CNTN5: variants seen among roughly 807,000 people sequenced by gnomAD.
The protein encoded by CNTN5 is contactin-5.
In CNTN5, 77 loss-of-function variants were observed where a neutral mutation model predicts 129.1. That is an observed-to-expected ratio of 0.60 (90% CI 0.50 to 0.72). CNTN5 has a LOEUF of 0.72. Ranked by LOEUF, CNTN5 falls within the 30% of genes least tolerant of loss-of-function variation. CNTN5 has a pLI of 0.00. For missense variants in CNTN5, 1,478 were observed against 1,328.8 expected (o/e 1.11, Z -1.75); for synonymous variants, 509 against 465.6 (o/e 1.09, Z -1.20).
chr11:100,133,819 TG>T (rs1288565554), intron 13 of CNTN5, among the ~76,000 whole-genome samples: 2 of 152,176 alleles, frequency 1.3e-5, no homozygotes, highest in African/African-American at 4.8e-5. Context: ...AGATACTTGC[TG>T]GTAACTGGAG....
intron 2 of CNTN5, among the ~76,000 whole-genome samples, chr11:99,332,919 G>T (rs1591534587): frequency 6.6e-6 from 1 of 151,986 alleles, no homozygotes; most frequent in Admixed American, 6.6e-5. Flanking sequence ...TTCACTTAGC[G>T]CAACCGTATT....
At chr11:99,264,136 G>A (rs1862771435) in intron 1 of CNTN5, among the ~76,000 whole-genome samples, 1 of 151,628 alleles carries the variant, frequency 6.6e-6, no homozygotes, top group Non-Finnish European at 1.5e-5. Context: ...CATAACTCAT[G>A]CTCACAGGAT....
intron 1 of CNTN5, among the ~76,000 whole-genome samples, chr11:99,174,386 G>C (rs1004958740): frequency 6.6e-6 from 1 of 152,100 alleles, no homozygotes; most frequent in African/African-American, 2.4e-5. Flanking sequence ...GCAAGATAAA[G>C]ACTATTATAA....
intron 2 of CNTN5, among the ~76,000 whole-genome samples, chr11:99,366,885 G>T (rs567800854): frequency 2.0e-5 from 3 of 152,290 alleles, no homozygotes; most frequent in Admixed American, 2.0e-4. Flanking sequence ...TCTGAATGTT[G>T]CTTAGTGACA....
intron 16 of CNTN5, among the ~76,000 whole-genome samples, chr11:100,241,722 T>C (rs192623121): frequency 6.6e-6 from 1 of 152,320 alleles, no homozygotes; most frequent in Admixed American, 6.5e-5. Flanking sequence ...TGGTTTAATT[T>C]TTGCTTTTGC....
At chr11:99,719,299 G>A (rs941602540) in intron 3 of CNTN5, among the ~76,000 whole-genome samples, 2 of 151,896 alleles carry the variant, frequency 1.3e-5, no homozygotes, top group Admixed American at 6.6e-5. Context: ...CTGCTTGGGC[G>A]AGAGAATGAG....
At chr11:100,309,396 TTAAA>T in intron 21 of CNTN5, 1 of 970,282 alleles carries the variant, frequency 1.0e-6, no homozygotes, top group Non-Finnish European at 1.2e-6. Flanking sequence ...ACAGCTGGCA[TTAAA>T]TAATGATTTC....
intron 1 of CNTN5, among the ~76,000 whole-genome samples, chr11:99,265,903 T>C (rs1356476321): frequency 2.6e-5 from 4 of 152,134 alleles, no homozygotes; most frequent in South Asian, 4.1e-4. Flanking sequence ...GAATGATAAA[T>C]AGAAGGTTAA....
intron 7 of CNTN5, among the ~76,000 whole-genome samples, chr11:99,939,660 T>C (rs921567534): frequency 2.6e-5 from 4 of 151,998 alleles, no homozygotes; most frequent in African/African-American, 9.7e-5. Flanking sequence ...TAGAAAAAAA[T>C]AGGGCCCAAA....
chr11:100,184,492 C>G (rs1233220497), intron 13 of CNTN5, among the ~76,000 whole-genome samples: 1 of 152,134 alleles, frequency 6.6e-6, no homozygotes, highest in Non-Finnish European at 1.5e-5. Flanking sequence ...AAGTGGCTTC[C>G]AGAAGCTGAA....
rs1052095051 is a variant in CNTN5, at chr11:100,350,694, A to G, written c.3031-8A>G. ...TATCAAATGTCTAAACCTTGTTATT[A>G]CTCTCAGGTTTTTTATAGGCAAGAG... is the stretch of plus-strand genomic sequence containing the variant. On this transcript the variant is annotated splice_polypyrimidine_tract_variant and splice_region_variant and intron_variant, in intron 23 of 24. Coordinates refer to ENST00000524871, the MANE Select transcript of CNTN5 (RefSeq NM_014361.4). 1 of 1,596,396 alleles carries G rather than the reference A, an allele frequency of 6.3e-7. No homozygotes were observed. The highest frequency in any genetic ancestry group is 8.5e-7 in the Non-Finnish European group (1 of 1,170,194).
At chr11:99,856,552 T>TTCCAC (rs1948040773) in intron 6 of CNTN5, among the ~76,000 whole-genome samples, 1 of 152,178 alleles carries the variant, frequency 6.6e-6, no homozygotes, top group African/African-American at 2.4e-5. Context: ...GTTCTGCTCA[T>TTCCAC]TCCATGGGAC....
intron 17 of CNTN5, among the ~76,000 whole-genome samples, chr11:100,266,130 C>A (rs914662351): frequency 5.0e-4 from 76 of 151,984 alleles, no homozygotes; most frequent in African/African-American, 1.8e-3. Context: ...GTGGCTCATA[C>A]TTGTGGTCTC....
At chr11:99,874,759 A>G (rs1446010743) in intron 6 of CNTN5, among the ~76,000 whole-genome samples, 1 of 152,200 alleles carries the variant, frequency 6.6e-6, no homozygotes, top group Non-Finnish European at 1.5e-5. Flanking sequence ...TGAACAATTT[A>G]CTTGATAAAA....
At chr11:100,046,949 A>G (rs1428170585) in intron 9 of CNTN5, among the ~76,000 whole-genome samples, 1 of 152,180 alleles carries the variant, frequency 6.6e-6, no homozygotes, top group African/African-American at 2.4e-5. Context: ...GAAATCCAAG[A>G]TGATCACAAG....
intron 3 of CNTN5, among the ~76,000 whole-genome samples, chr11:99,754,602 C>G (rs1050704320): frequency 8.5e-5 from 13 of 152,112 alleles, no homozygotes; most frequent in Non-Finnish European, 4.4e-5. Context: ...TTTAAATAGA[C>G]TGTTTCTTAA....
chr11:99,631,705 AACAC>A (rs1951357700), intron 3 of CNTN5, among the ~76,000 whole-genome samples: 3 of 103,706 alleles, frequency 2.9e-5, no homozygotes, highest in Non-Finnish European at 7.0e-5. Flanking sequence ...TCATTGGGAA[AACAC>A]ACACAAAGAC....
intron 3 of CNTN5, among the ~76,000 whole-genome samples, chr11:99,676,946 G>A (rs1953313858): frequency 6.6e-6 from 1 of 152,034 alleles, no homozygotes; most frequent in Admixed American, 6.6e-5. Flanking sequence ...GTGTTGCTAG[G>A]TTATTAAAAT....
At chr11:99,895,733 G>A (rs1002504279) in intron 6 of CNTN5, among the ~76,000 whole-genome samples, 1 of 152,124 alleles carries the variant, frequency 6.6e-6, no homozygotes, top group Non-Finnish European at 1.5e-5. Context: ...ACTCCCTCGG[G>A]CTTCCAGAAC....
Sources: allele counts gnomAD v4.1 joint callset (sites outside exome capture counted in the v4.1 genomes callset), GRCh38; gene constraint gnomAD v4.1.1; transcripts MANE v1.5; gene names NCBI Gene and HGNC (gene_info 2026-07-23, HGNC 2026-07-21).